Variants in DAB1 observed in about 807,000 individuals in gnomAD.
The protein encoded by DAB1 is DAB adaptor protein 1, also known as disabled homolog 1.
A neutral mutation model predicts 64.6 loss-of-function variants in DAB1; 15 were observed. The ratio of observed to expected loss-of-function variants is 0.23; its 90% confidence interval spans 0.16 to 0.36. The LOEUF is 0.36. Among genes scored for constraint, DAB1 ranks in the 10% least tolerant of loss-of-function variants. The pLI is 1.00. For synonymous variants in DAB1, 235 were observed against 251.9 expected (o/e 0.93, Z 0.64); for missense variants, 596 against 706.7 (o/e 0.84, Z 1.78).
intron 6 of DAB1, among the ~76,000 whole-genome samples, chr1:57,728,007 C>G (rs1346732099): frequency 6.6e-6 from 1 of 152,250 alleles, no homozygotes; most frequent in East Asian, 1.9e-4. Context: ...CTTGAAGTCT[C>G]CTGCCCAGTG....
rs35921263 is a variant in DAB1, at chr1:58,072,094, G to GA, written n.387+78416_387+78417insT. Reference sequence around the variant, plus strand: ...AACATTATTGGTGGGGTGGGGGGGGGTGGGTAGTAGGGAAGGTTTTGCAAT... The same window carrying GA: ...AACATTATTGGTGGGGTGGGGGGGGGATGGGTAGTAGGGAAGGTTTTGCAAT... On this transcript the variant is annotated intron_variant and non_coding_transcript_variant, in intron 5 of 20. Transcript: ENST00000485760. 2.8e-5 allele frequency among the ~76,000 whole-genome samples: 3 copies of GA among 107,778 alleles called. No homozygotes were observed. The Admixed American group carries it at 3.5e-4, about 13-fold the overall frequency. The allele number at this position is 107,778 out of a possible 152,430, so 70.7% of individuals were successfully genotyped here.
At chr1:58,015,600 A>G (rs12024477) in intron 5 of DAB1, among the ~76,000 whole-genome samples, 28,267 of 152,046 alleles carry the variant, frequency 0.19, 3,043 homozygotes, top group East Asian at 0.34. Flanking sequence ...TGTGTTGGTC[A>G]TGTTTGTGTT....
At chr1:57,807,244 A>G (rs12140411) in intron 6 of DAB1, among the ~76,000 whole-genome samples, 22,662 of 152,108 alleles carry the variant, frequency 0.15, 2,295 homozygotes, top group Admixed American at 0.3. Flanking sequence ...GCCCCTGTAG[A>G]CCTTATTTCC....
intron 6 of DAB1, among the ~76,000 whole-genome samples, chr1:57,690,317 T>A (rs1194809113): frequency 6.6e-6 from 1 of 152,092 alleles, no homozygotes; most frequent in Admixed American, 6.6e-5. Flanking sequence ...CAAATTGTAA[T>A]CCCCTATGTC....
chr1:58,284,301 C>G (rs1414283565), intron 4 of DAB1, among the ~76,000 whole-genome samples: 1 of 152,260 alleles, frequency 6.6e-6, no homozygotes, highest in East Asian at 1.9e-4. Flanking sequence ...TGCCAGCTGG[C>G]CCATGGGCTC....
At chr1:57,693,709 G>GT (rs1221161654) in intron 6 of DAB1, among the ~76,000 whole-genome samples, 7 of 152,250 alleles carry the variant, frequency 4.6e-5, no homozygotes, top group African/African-American at 1.7e-4. Flanking sequence ...TGCCACAAAG[G>GT]TCTGCGGCTT....
intron 7 of DAB1, among the ~76,000 whole-genome samples, chr1:57,538,254 T>C (rs1305183363): frequency 6.6e-6 from 1 of 152,206 alleles, no homozygotes; most frequent in African/African-American, 2.4e-5. Flanking sequence ...CCTCTGGCTT[T>C]TACTGTGTTT....
intron 4 of DAB1, among the ~76,000 whole-genome samples, chr1:58,223,049 T>G (rs756508150): frequency 1.3e-5 from 2 of 152,174 alleles, no homozygotes; most frequent in African/African-American, 2.4e-5. Context: ...ATAGCATGCA[T>G]TCATACATGT....
intron 1 of DAB1, among the ~76,000 whole-genome samples, chr1:57,858,196 G>T (rs1653846495): frequency 6.6e-6 from 1 of 152,182 alleles, no homozygotes; most frequent in Non-Finnish European, 1.5e-5. Flanking sequence ...TCATTTGGAA[G>T]GGTATTTTTT....
intron 4 of DAB1, among the ~76,000 whole-genome samples, chr1:58,227,370 A>G (rs547742): frequency 0.22 from 33,313 of 152,102 alleles, 4,055 homozygotes; most frequent in East Asian, 0.46. Context: ...ACTGGAGGAA[A>G]TTTGGTTGAG....
At chr1:58,145,880 T>C (rs1174458763) in intron 5 of DAB1, among the ~76,000 whole-genome samples, 1 of 152,190 alleles carries the variant, frequency 6.6e-6, no homozygotes, top group African/African-American at 2.4e-5. Flanking sequence ...ATGGTTCCAC[T>C]TACACATAGA....
intron 5 of DAB1, among the ~76,000 whole-genome samples, chr1:57,915,953 A>C (rs1222135841): frequency 6.6e-6 from 1 of 152,164 alleles, no homozygotes; most frequent in Non-Finnish European, 1.5e-5. Flanking sequence ...GAGCGCTTCA[A>C]TGTCCCTAAA....
intron 5 of DAB1, among the ~76,000 whole-genome samples, chr1:58,037,779 C>T (rs910836957): frequency 1.3e-5 from 2 of 152,160 alleles, no homozygotes; most frequent in African/African-American, 4.8e-5. Flanking sequence ...GCTTACCTTC[C>T]TTCCTTTCCT....
chr1:57,130,382 CT>C, intron 4 of DAB1, among the ~76,000 whole-genome samples: 1 of 152,028 alleles, frequency 6.6e-6, no homozygotes, highest in East Asian at 1.9e-4. Context: ...TTTAAACTAC[CT>C]TATGACCCAG....
At chr1:57,802,424 G>A (rs932864425) in intron 6 of DAB1, among the ~76,000 whole-genome samples, 9 of 152,188 alleles carry the variant, frequency 5.9e-5, no homozygotes, top group African/African-American at 2.4e-5. Context: ...ACACCTAAAG[G>A]GGAAGGAGTG....
intron 4 of DAB1, among the ~76,000 whole-genome samples, chr1:58,191,223 A>C (rs1570466105): frequency 6.6e-6 from 1 of 152,188 alleles, no homozygotes; most frequent in East Asian, 1.9e-4. Context: ...TTTACTGAGC[A>C]CTTACTATGA....
rs1256924790 is a variant in DAB1, at chr1:56,995,864, A to T, written c.*2280T>A. 6.6e-6 allele frequency: 1 copy of T among 152,206 alleles called. No homozygotes were observed. Among genetic ancestry groups the T allele is most frequent in the African/African-American group, 2.4e-5 (1 of 41,458 alleles). 9.4% of individuals were successfully genotyped at this position (152,206 alleles called of 1,614,324 possible). A position where few individuals can be genotyped will look rare whatever the true frequency, so the allele number is the denominator to read the frequency against. On this transcript the variant is annotated 3_prime_UTR_variant, in exon 15 of 15. Coordinates refer to ENST00000371236, the MANE Select transcript of DAB1 (RefSeq NM_001365792.1). ...TTCCACCTTTCCCATCTTCCCGTTC[A>T]TGTGAAAGGGTTACCTAATCATAAA...
chr1:57,900,067 G>T (rs536473775), intron 5 of DAB1, among the ~76,000 whole-genome samples: 1 of 152,140 alleles, frequency 6.6e-6, no homozygotes, highest in East Asian at 1.9e-4. Flanking sequence ...GCCTCCCAAA[G>T]AGTTGAGATT....
chr1:57,695,252 A>G (rs1390085822), intron 6 of DAB1, among the ~76,000 whole-genome samples: 2 of 73,522 alleles, frequency 2.7e-5, no homozygotes, highest in South Asian at 5.6e-4. Context: ...AAAGAAAGAA[A>G]GAAAGAAGGA....
Sources: allele counts gnomAD v4.1 joint callset (sites outside exome capture counted in the v4.1 genomes callset), GRCh38; gene constraint gnomAD v4.1.1; transcripts MANE v1.5; gene names NCBI Gene and HGNC (gene_info 2026-07-23, HGNC 2026-07-21).